Variants in SH3BP5 observed in about 807,000 individuals in gnomAD.
SH3BP5 encodes the protein SH3 domain-binding protein 5.
SH3BP5 carries 22 observed loss-of-function variants against 43.3 expected under a neutral mutation model. The observed-to-expected ratio is 0.51, with a 90% CI of 0.36 to 0.73. The LOEUF (loss-of-function observed/expected upper bound fraction) is 0.73. Among genes scored for constraint, SH3BP5 ranks in the 30% least tolerant of loss-of-function variants. The probability of loss-of-function intolerance (pLI) is 0.00; values close to 1 mark genes in which losing one functional copy is unlikely to be tolerated. For synonymous variants in SH3BP5, 255 were observed against 225.8 expected (o/e 1.13, Z -1.16); for missense variants, 529 against 586.9 (o/e 0.90, Z 1.02).
intron 5 of SH3BP5, 70 bp from the exon 6 acceptor site, chr3:15,259,873 A>G: frequency 5.0e-6 from 7 of 1,398,726 alleles, no homozygotes; most frequent in Non-Finnish European, 7.1e-6. Context: ...CCACAAGATG[A>G]ACAAGAGGCA....
intron 5 of SH3BP5, 21 bp from the exon 6 acceptor site, chr3:15,259,824 A>G: frequency 1.2e-6 from 2 of 1,612,026 alleles, no homozygotes; most frequent in Non-Finnish European, 1.7e-6. Flanking sequence ...CAGGAAGGAA[A>G]GCCATCAGAG....
chr3:15,293,553 A>G (rs1436505570), intron 3 of SH3BP5, among the ~76,000 whole-genome samples: 1 of 152,244 alleles, frequency 6.6e-6, no homozygotes, highest in Non-Finnish European at 1.5e-5. Flanking sequence ...GTGCAGGGAA[A>G]TAACTGCACC....
chr3:15,254,576 G>GAGAC lies in SH3BP5; in HGVS notation c.*1506_*1509dup, dbSNP rs1696127515. On this transcript the variant is annotated 3_prime_UTR_variant, in exon 9 of 9. Transcript: ENST00000383791. ...TGACTGACAGCAACACTTAAGCTTC[G>GAGAC]AGACTGCAGTGTGCAGCCGAGGCCC... 1 of 122,674 alleles carries GAGAC rather than the reference G, an allele frequency of 8.2e-6. No homozygotes were observed. The highest frequency in any genetic ancestry group is 7.0e-5 in the African/African-American group (1 of 14,232). 7.6% of individuals were successfully genotyped at this position (122,674 alleles called of 1,614,324 possible). A position where few individuals can be genotyped will look rare whatever the true frequency, so the allele number is the denominator to read the frequency against.
chr3:15,295,531 T>C (rs1237800671), intron 3 of SH3BP5, among the ~76,000 whole-genome samples: 1 of 152,216 alleles, frequency 6.6e-6, no homozygotes, highest in Non-Finnish European at 1.5e-5. Flanking sequence ...TGCTTTCTAG[T>C]GCTCCTAAGT....
chr3:15,267,489 G>C (rs1164077133), intron 4 of SH3BP5, among the ~76,000 whole-genome samples: 1 of 152,200 alleles, frequency 6.6e-6, no homozygotes, highest in East Asian at 1.9e-4. Context: ...TCAGCTCAAA[G>C]GTGGAAATCC....
At chr3:15,318,674 T>C (rs558228940) in intron 2 of SH3BP5, among the ~76,000 whole-genome samples, 1 of 152,298 alleles carries the variant, frequency 6.6e-6, no homozygotes, top group African/African-American at 2.4e-5. Flanking sequence ...ACGATTCTTG[T>C]GCCTCAGCCT....
intron 5 of SH3BP5, among the ~76,000 whole-genome samples, chr3:15,260,946 G>A (rs1162369350): frequency 6.6e-6 from 1 of 152,232 alleles, no homozygotes; most frequent in Admixed American, 6.5e-5. Flanking sequence ...AGTATGTGAT[G>A]TGTGTGCAGT....
rs1413582893 is a variant in SH3BP5, at chr3:15,254,602, A to ACT, written c.*1482_*1483dup. Reference sequence around the variant, plus strand: ...AGACTGCAGTGTGCAGCCGAGGCCCACTCCTCCAGCGTCACCACCTCGTCT... The same window carrying ACT: ...AGACTGCAGTGTGCAGCCGAGGCCCACTCTCCTCCAGCGTCACCACCTCGTCT... On this transcript the variant is annotated 3_prime_UTR_variant, in exon 9 of 9. Transcript: ENST00000383791. 4 of 152,030 alleles carry ACT rather than the reference A, an allele frequency of 2.6e-5. No homozygotes were observed. In the East Asian group the frequency reaches 7.7e-4, roughly 29 times the overall value. The allele number at this position is 152,030 out of a possible 1,614,324, so 9.4% of individuals were successfully genotyped here.
At chr3:15,329,388 T>C (rs936775539) in intron 2 of SH3BP5, among the ~76,000 whole-genome samples, 1 of 152,136 alleles carries the variant, frequency 6.6e-6, no homozygotes, top group Non-Finnish European at 1.5e-5. Context: ...AATTCATAAG[T>C]GAAAGAAATG....
chr3:15,293,857 C>G (rs1349802412), intron 3 of SH3BP5, among the ~76,000 whole-genome samples: 1 of 152,050 alleles, frequency 6.6e-6, no homozygotes, highest in Non-Finnish European at 1.5e-5. Context: ...GCAGGCGGAT[C>G]ATCTGAGGTC....
At position 15,332,544 on chromosome 3, in the gene SH3BP5, G is replaced by GA; in HGVS notation, c.-137_-136insT. ...CCGCCGGGGCCGACACCCGGGAGACGCAGCTCGCCGATGCGGATACCTCCG... is the reference window on the plus strand; with the variant it reads ...CCGCCGGGGCCGACACCCGGGAGACGACAGCTCGCCGATGCGGATACCTCCG... On this transcript the variant is annotated 5_prime_UTR_variant, in exon 1 of 9. Transcript: ENST00000383791. 4 of 1,237,972 alleles carry GA rather than the reference G, an allele frequency of 3.2e-6. No individual in the cohort carries two copies. Among genetic ancestry groups the GA allele is most frequent in the Non-Finnish European group, 4.0e-6 (4 of 993,008 alleles). The allele number at this position is 1,237,972 out of a possible 1,614,324, so 76.7% of individuals were successfully genotyped here.
At chr3:15,283,661 G>A (rs529556656) in intron 3 of SH3BP5, among the ~76,000 whole-genome samples, 2 of 152,266 alleles carry the variant, frequency 1.3e-5, no homozygotes, top group South Asian at 4.1e-4. Context: ...AAAGCTCTCA[G>A]CTCTTTCTCT....
intron 3 of SH3BP5, among the ~76,000 whole-genome samples, chr3:15,282,829 G>A (rs1697165591): frequency 6.6e-6 from 1 of 152,126 alleles, no homozygotes; most frequent in Admixed American, 6.6e-5. Context: ...GGGGAGGGTG[G>A]ACGAAACCTG....
rs141530064 is a variant in SH3BP5, at chr3:15,286,239, T to C, written c.331-16362A>G. 1.0e-3 allele frequency among the ~76,000 whole-genome samples: 159 copies of C among 152,306 alleles called. 1 individual carries two copies. The highest frequency in any genetic ancestry group is 3.3e-3 in the African/African-American group (138 of 41,574). Reference sequence around the variant, plus strand: ...CTGTGGAAGGATGGGAATGGCCTAGTGACAGGGCCAGGGTAGCAGCTCCGC... The same window carrying C: ...CTGTGGAAGGATGGGAATGGCCTAGCGACAGGGCCAGGGTAGCAGCTCCGC... On this transcript the variant is annotated intron_variant, in intron 3 of 8. Transcript: ENST00000383791.
At chr3:15,256,444 G>A (rs1268631804) in intron 8 of SH3BP5, 141 bp from the exon 9 acceptor site, 2 of 848,648 alleles carry the variant, frequency 2.4e-6, no homozygotes, top group Admixed American at 2.2e-5. Context: ...CAGCCCTGTA[G>A]AAGTCCCACT....
At chr3:15,329,215 G>C (rs1401170458) in intron 2 of SH3BP5, among the ~76,000 whole-genome samples, 3 of 152,124 alleles carry the variant, frequency 2.0e-5, no homozygotes, top group Admixed American at 6.5e-5. Flanking sequence ...ATATGGGACA[G>C]CATAGCTCTA....
Position 15,304,588 on chromosome 3 carries a change from G to C in SH3BP5, c.202-357C>G, listed in dbSNP as rs573167055. Among the ~76,000 whole-genome samples the C allele has an allele frequency of 2.0e-5, 3 of 152,296 alleles. No homozygotes were observed. In the East Asian group the frequency reaches 5.8e-4, roughly 29 times the overall value. ...CCAGCACTTTGGGAGGCCGAGGCAG[G>C]CCCATCACTTGAGGTCAGGAGTTGG... On this transcript the variant is annotated intron_variant, in intron 2 of 8. Transcript: ENST00000383791.
chr3:15,261,924 T>C (rs1696456983), intron 5 of SH3BP5, among the ~76,000 whole-genome samples: 1 of 152,196 alleles, frequency 6.6e-6, no homozygotes, highest in East Asian at 1.9e-4. Flanking sequence ...TTCCTTTTTC[T>C]GTGTTTCCTA....
chr3:15,302,951 G>C (rs1026466541), intron 3 of SH3BP5, among the ~76,000 whole-genome samples: 1 of 152,042 alleles, frequency 6.6e-6, no homozygotes, highest in African/African-American at 2.4e-5. Context: ...TGGGATTACA[G>C]GCGCCCACCA....
Sources: gnomAD v4.1 joint callset for allele counts (sites outside exome capture counted in the v4.1 genomes callset) on GRCh38, gnomAD v4.1.1 for gene constraint, MANE v1.5 for transcripts, NCBI Gene and HGNC (gene_info 2026-07-23, HGNC 2026-07-21) for gene names.